CCDC158: variants seen among roughly 807,000 people sequenced by gnomAD.
CCDC158 encodes the protein coiled-coil domain-containing protein 158.
CCDC158 carries 116 observed loss-of-function variants against 138.6 expected under a neutral mutation model. That is an observed-to-expected ratio of 0.84 (90% confidence interval 0.72 to 0.98). CCDC158 has a LOEUF of 0.98. Among genes scored for constraint, CCDC158 ranks in the 50% least tolerant of loss-of-function variants. CCDC158 has a pLI of 0.00. For missense variants in CCDC158, 1,265 were observed against 1,306.1 expected (o/e 0.97, Z 0.48); for synonymous variants, 436 against 442.4 (o/e 0.99, Z 0.18).
intron 4 of CCDC158, among the ~76,000 whole-genome samples, chr4:76,387,713 C>T (rs1726938505): frequency 6.6e-6 from 1 of 151,650 alleles, no homozygotes; most frequent in African/African-American, 2.4e-5. Flanking sequence ...ATCCCAGCTA[C>T]TCAGGAGGCT....
intron 18 of CCDC158, among the ~76,000 whole-genome samples, chr4:76,334,680 A>G (rs1721309239): frequency 6.6e-6 from 1 of 152,212 alleles, no homozygotes; most frequent in Admixed American, 6.5e-5. Flanking sequence ...TGAGATTTTC[A>G]GATTGATAGT....
chr4:76,344,742 A>G, intron 18 of CCDC158: 1 of 1,613,696 alleles, frequency 6.2e-7, no homozygotes, highest in Non-Finnish European at 8.5e-7. Flanking sequence ...TCTTATTGAA[A>G]CAACAGACTA....
intron 18 of CCDC158, among the ~76,000 whole-genome samples, chr4:76,337,146 A>G (rs1232060983): frequency 6.6e-6 from 1 of 151,830 alleles, no homozygotes; most frequent in Non-Finnish European, 1.5e-5. Flanking sequence ...ACACCCGGCT[A>G]TTTTTGGGTT....
intron 23 of CCDC158, 122 bp downstream of exon 23, chr4:76,325,733 CAG>C (rs1720458518): frequency 1.4e-6 from 1 of 698,578 alleles, no homozygotes; most frequent in Admixed American, 3.3e-5. Flanking sequence ...TTAAATTACA[CAG>C]AATCAGTTAG....
chr4:76,419,759 C>T (rs983879634), intron 1 of CCDC158, among the ~76,000 whole-genome samples: 10 of 151,512 alleles, frequency 6.6e-5, no homozygotes, highest in African/African-American at 2.4e-4. Flanking sequence ...TACTTAATCA[C>T]GTATGCAAAG....
chr4:76,361,295 G>C (rs937097147), intron 13 of CCDC158, among the ~76,000 whole-genome samples: 2 of 152,200 alleles, frequency 1.3e-5, no homozygotes, highest in African/African-American at 4.8e-5. Context: ...GGGTGGGGTG[G>C]CTCATGCCTG....
chr4:76,353,316 C>T, intron 15 of CCDC158, 35 bp from the exon 16 acceptor site: 2 of 1,511,650 alleles, frequency 1.3e-6, no homozygotes, highest in South Asian at 2.4e-5. Context: ...TCAGAAATAA[C>T]CTGTTGATGT....
intron 8 of CCDC158, among the ~76,000 whole-genome samples, chr4:76,381,485 C>T (rs1379219986): frequency 1.3e-5 from 2 of 152,224 alleles, no homozygotes; most frequent in African/African-American, 2.4e-5. Flanking sequence ...TTGTTTTGGC[C>T]TATTTTTCCC....
chr4:76,397,270 G>A (rs951751341), intron 3 of CCDC158, among the ~76,000 whole-genome samples: 1 of 151,956 alleles, frequency 6.6e-6, no homozygotes, highest in Non-Finnish European at 1.5e-5. Flanking sequence ...TTATCTATGG[G>A]GTATAGGGAT....
intron 1 of CCDC158, among the ~76,000 whole-genome samples, chr4:76,413,564 T>G (rs1729465541): frequency 6.6e-6 from 1 of 152,082 alleles, no homozygotes; most frequent in African/African-American, 2.4e-5. Flanking sequence ...GAGACAGAGT[T>G]TAGTTCAAGG....
Position 76,369,514 on chromosome 4 carries a change from T to C in CCDC158, c.1259A>G (p.Glu420Gly). 1.2e-6 allele frequency: 2 copies of C among 1,614,068 alleles called. No individual in the cohort carries two copies. The highest frequency in any genetic ancestry group is 1.7e-6 in the Non-Finnish European group (2 of 1,179,994). ...CACCTCCATGTTCCGGTTGTCCAGT[T>C]CCCGCCGCAGGTGGTCAATGGTGAT... ...NSITIDHLRRELDNRNMEVQR... is the reference protein window; with the variant it reads ...NSITIDHLRRGLDNRNMEVQR... Residue 420 changes from glutamate to glycine, a missense_variant, in exon 11 of 25, where the codon GAA (glutamate) becomes GGA (glycine). Transcript: ENST00000682701.
chr4:76,329,107 T>C lies in CCDC158; in HGVS notation c.2943-140A>G, dbSNP rs959048697. ...GATGGCAATCATAACCCTAAAGTCC[T>C]AAAATACTCTAAGAGGTAGGTTCAA... is the stretch of plus-strand genomic sequence containing the variant. On this transcript the variant is annotated intron_variant, in intron 21 of 24. Transcript: ENST00000682701. 9.4e-6 allele frequency: 6 copies of C among 641,496 alleles called. No homozygotes were observed. The African/African-American group carries it at 1.1e-4, about 12-fold the overall frequency. 39.7% of individuals were successfully genotyped at this position (641,496 alleles called of 1,614,324 possible).
chr4:76,338,961 G>A (rs968458173), intron 18 of CCDC158, among the ~76,000 whole-genome samples: 5 of 152,208 alleles, frequency 3.3e-5, no homozygotes, highest in African/African-American at 1.2e-4. Context: ...GCATTGAAAA[G>A]AAAGCTGCAT....
Position 76,396,375 on chromosome 4 carries a change from A to G in CCDC158, c.182T>C (p.Leu61Pro). The part of the protein sequence containing the change: ...VPFFPKYEVE[L>P]DSPRKIIPSP... ...TGGGATGATTTTTCTAGGAGAATCA[A>G]GTTCCACTTCATATTTAGGGAAAAA... The change falls in exon 4 of 25, where the codon CTT becomes CCT. Residue 61 changes from leucine (L) to proline (P), a missense_variant. Coordinates refer to ENST00000682701, the MANE Select transcript of CCDC158 (RefSeq NM_001394954.1). 6.2e-7 allele frequency: 1 copy of G among 1,613,902 alleles called. No individual in the cohort carries two copies. Among genetic ancestry groups the G allele is most frequent in the Non-Finnish European group, 8.5e-7 (1 of 1,179,794 alleles).
At chr4:76,379,468 G>A in intron 8 of CCDC158, 64 bp from the exon 9 acceptor site, 1 of 896,264 alleles carries the variant, frequency 1.1e-6, no homozygotes, top group Non-Finnish European at 1.7e-6. Flanking sequence ...TAACACCTGA[G>A]TATTCTAGCT....
intron 15 of CCDC158, 88 bp downstream of exon 15, chr4:76,355,236 A>T: frequency 2.4e-6 from 2 of 827,394 alleles, no homozygotes; most frequent in Non-Finnish European, 4.2e-6. Context: ...TTCCCCTTGC[A>T]CTTGCATCTC....
rs1049326520 is a variant in CCDC158 at position 76,326,022 on chromosome 4, G to C, written c.3011-7C>G. The C allele has an allele frequency of 1.2e-6, 2 of 1,604,692 alleles. No individual in the cohort carries two copies. The highest frequency in any genetic ancestry group is 4.5e-5 in the East Asian group (2 of 44,744). The stretch of plus-strand genomic sequence containing the variant: ...TTTTTCACAGATGGACTTGCTAAAA[G>C]TTTGCAAGAATAAAAGTAAAAGGAC... On this transcript the variant is annotated splice_polypyrimidine_tract_variant and splice_region_variant and intron_variant, in intron 22 of 24. Transcript: ENST00000682701.
In CCDC158 at chr4:76,351,002, C is replaced by G; in HGVS notation, c.2658G>C (p.Leu886=). 6.2e-7 allele frequency: 1 copy of G among 1,613,286 alleles called. No individual in the cohort carries two copies. Among genetic ancestry groups the G allele is most frequent in the Non-Finnish European group, 8.5e-7 (1 of 1,179,576 alleles). The change falls in exon 18 of 25, where the codon CTG becomes CTC. Residue 886 remains leucine (L), a synonymous_variant. Transcript: ENST00000682701. ...CATAAGACTGGTTACTTACATGAGA[C>G]AGGAAGCTGGCTGTAGACTGCGAAG... is the stretch of plus-strand genomic sequence containing the variant. ...VPSSQSTASF[L]SHHSTKANTL... is the part of the protein sequence containing the mutation.
At chr4:76,375,450 G>A (rs368627962) in intron 9 of CCDC158, 1 of 573,214 alleles carries the variant, frequency 1.7e-6, no homozygotes, top group East Asian at 2.9e-5. Flanking sequence ...CGGTGCATTG[G>A]CAGAACTATG....
Sources: gnomAD v4.1 joint callset for allele counts (sites outside exome capture counted in the v4.1 genomes callset) on GRCh38, gnomAD v4.1.1 for gene constraint, MANE v1.5 for transcripts, NCBI Gene and HGNC (gene_info 2026-07-23, HGNC 2026-07-21) for gene names.